Variants in MMP16 observed in about 807,000 individuals in gnomAD.
The protein encoded by MMP16 is matrix metalloproteinase-16.
In MMP16, 12 loss-of-function variants were observed where a neutral mutation model predicts 67.8. The observed-to-expected ratio is 0.18, with a 90% CI of 0.11 to 0.29. The LOEUF is 0.29. Among genes scored for constraint, MMP16 ranks in the 10% least tolerant of loss-of-function variants. MMP16 has a pLI of 1.00. For synonymous variants in MMP16, 249 were observed against 255.9 expected (o/e 0.97, Z 0.26); for missense variants, 475 against 765.7 (o/e 0.62, Z 4.48).
intron 1 of MMP16, among the ~76,000 whole-genome samples, chr8:88,301,940 T>C (rs563579804): frequency 1.4e-4 from 22 of 152,224 alleles, no homozygotes; most frequent in Non-Finnish European, 2.2e-4. Context: ...CATAATAAAA[T>C]AACATTTATC....
At chr8:88,313,580 T>C (rs1361619520) in intron 1 of MMP16, among the ~76,000 whole-genome samples, 1 of 152,220 alleles carries the variant, frequency 6.6e-6, no homozygotes, top group Non-Finnish European at 1.5e-5. Context: ...ATCAACCTTC[T>C]TGGATCTGTG....
intron 1 of MMP16, among the ~76,000 whole-genome samples, chr8:88,288,961 A>C (rs1243377399): frequency 6.6e-6 from 1 of 152,216 alleles, no homozygotes; most frequent in Non-Finnish European, 1.5e-5. Context: ...CACACAAGAA[A>C]CAAGATAATT....
intron 1 of MMP16, among the ~76,000 whole-genome samples, chr8:88,278,788 T>C (rs978004763): frequency 1.3e-5 from 2 of 152,212 alleles, no homozygotes. Context: ...AAAGATTTTA[T>C]AATGTTCTGC....
At chr8:88,287,802 G>A (rs536472155) in intron 1 of MMP16, among the ~76,000 whole-genome samples, 4 of 152,228 alleles carry the variant, frequency 2.6e-5, no homozygotes, top group South Asian at 4.1e-4. Context: ...GAGTAATCAG[G>A]CACTTCTTTG....
intron 3 of MMP16, among the ~76,000 whole-genome samples, chr8:88,182,065 T>A (rs72675163): frequency 6.6e-6 from 1 of 151,922 alleles, no homozygotes; most frequent in Non-Finnish European, 1.5e-5. Flanking sequence ...GAATACAACA[T>A]AAGAGAAAAT....
intron 1 of MMP16, among the ~76,000 whole-genome samples, chr8:88,226,878 ATT>A (rs1177155995): frequency 0.071 from 508 of 7,200 alleles, 5 homozygotes; most frequent in Middle Eastern, 0.33. Context: ...GCCTACACGT[ATT>A]TATTTATTTA....
chr8:88,075,305 T>C (rs1808629026), intron 6 of MMP16, among the ~76,000 whole-genome samples: 1 of 152,160 alleles, frequency 6.6e-6, no homozygotes, highest in African/African-American at 2.4e-5. Flanking sequence ...AAATAAATCA[T>C]CGCAGAGGAT....
chr8:88,100,430 C>T (rs542557472), intron 6 of MMP16, among the ~76,000 whole-genome samples: 1 of 152,032 alleles, frequency 6.6e-6, no homozygotes, highest in South Asian at 2.1e-4. Flanking sequence ...CAATGAGATA[C>T]CATCTCACAC....
chr8:88,259,798 C>T (rs945215332), intron 1 of MMP16, among the ~76,000 whole-genome samples: 1 of 152,048 alleles, frequency 6.6e-6, no homozygotes, highest in African/African-American at 2.4e-5. Flanking sequence ...ACATGTTGGT[C>T]CCATCACTCA....
At position 88,151,608 on chromosome 8, in the gene MMP16, T is replaced by C. The variant is rs1225393994; in HGVS notation, c.709+16061A>G. ...GGAAACTGAACAACCTGCTCCTGAA[T>C]GACTACTGGGTACATAACGAAATGA... is the stretch of plus-strand genomic sequence containing the variant. On this transcript the variant is annotated intron_variant, in intron 4 of 9. Coordinates refer to ENST00000286614, the MANE Select transcript of MMP16 (RefSeq NM_005941.5). Among the ~76,000 whole-genome samples, 9 of 139,944 alleles carry C rather than the reference T, an allele frequency of 6.4e-5. No individual in the cohort carries two copies. The East Asian group carries it at 1.4e-3, about 21-fold the overall frequency. The allele number at this position is 139,944 out of a possible 152,430, so 91.8% of individuals were successfully genotyped here. A position where few individuals can be genotyped will look rare whatever the true frequency, so the allele number is the denominator to read the frequency against.
At chr8:88,071,614 TCA>T (rs1563523259) in intron 7 of MMP16, among the ~76,000 whole-genome samples, 1 of 152,132 alleles carries the variant, frequency 6.6e-6, no homozygotes, top group Non-Finnish European at 1.5e-5. Context: ...GTAATGTAAA[TCA>T]CAGTCTAATA....
At chr8:88,097,914 G>A (rs143852594) in intron 6 of MMP16, among the ~76,000 whole-genome samples, 2 of 151,940 alleles carry the variant, frequency 1.3e-5, no homozygotes, top group Non-Finnish European at 2.9e-5. Flanking sequence ...CAAACTGTGA[G>A]CTTAAGGGCA....
chr8:88,111,859 G>C (rs1193273329), intron 6 of MMP16, among the ~76,000 whole-genome samples: 1 of 151,664 alleles, frequency 6.6e-6, no homozygotes, highest in African/African-American at 2.4e-5. Context: ...TTCTTCAGTA[G>C]AATTAAGAAA....
chr8:88,188,599 T>C (rs1416786112), intron 2 of MMP16, among the ~76,000 whole-genome samples: 1 of 152,182 alleles, frequency 6.6e-6, no homozygotes, highest in African/African-American at 2.4e-5. Flanking sequence ...GTCATGCTTT[T>C]GTTGGAGCCA....
At chr8:88,256,269 T>C (rs1437934795) in intron 1 of MMP16, among the ~76,000 whole-genome samples, 8 of 152,146 alleles carry the variant, frequency 5.3e-5, no homozygotes, top group Non-Finnish European at 1.0e-4. Context: ...TAAAAATAAT[T>C]TTATTAATTT....
chr8:88,068,136 T>C (rs1173528574), intron 7 of MMP16, among the ~76,000 whole-genome samples: 2 of 152,116 alleles, frequency 1.3e-5, no homozygotes, highest in Admixed American at 1.3e-4. Flanking sequence ...TTCATTGTGG[T>C]TTTAATTTAC....
intron 1 of MMP16, among the ~76,000 whole-genome samples, chr8:88,246,875 A>G (rs1810121160): frequency 6.6e-6 from 1 of 152,198 alleles, no homozygotes; most frequent in South Asian, 2.1e-4. Context: ...GTTTCTCAGA[A>G]GTCAAAAATA....
chr8:88,164,617 C>G (rs1186015054), intron 4 of MMP16, among the ~76,000 whole-genome samples: 4 of 152,162 alleles, frequency 2.6e-5, no homozygotes, highest in African/African-American at 9.6e-5. Context: ...TTCTGAAACA[C>G]TATTATTTTG....
intron 1 of MMP16, among the ~76,000 whole-genome samples, chr8:88,321,968 T>C (rs1490166971): frequency 6.6e-6 from 1 of 152,192 alleles, no homozygotes; most frequent in Non-Finnish European, 1.5e-5. Context: ...CACGATATGT[T>C]TTTCACTATT....
Sources: gnomAD v4.1 joint callset for allele counts (sites outside exome capture counted in the v4.1 genomes callset) on GRCh38, gnomAD v4.1.1 for gene constraint, MANE v1.5 for transcripts, NCBI Gene and HGNC (gene_info 2026-07-23, HGNC 2026-07-21) for gene names.